The following PANK3 variants were observed in gnomAD, a reference collection of about 807,000 sequenced individuals.
PANK3 encodes the protein hPanK3.
Under a neutral mutation model 39.4 loss-of-function variants are expected in PANK3, and 20 were observed. That is an observed-to-expected ratio of 0.51 (90% CI 0.36 to 0.74). The LOEUF (loss-of-function observed/expected upper bound fraction) is 0.74, where lower values mean the gene tolerates loss of function less well. Among genes scored for constraint, PANK3 ranks in the 30% least tolerant of loss-of-function variants. The probability of loss-of-function intolerance (pLI) is 0.00; values close to 1 mark genes in which losing one functional copy is unlikely to be tolerated. For missense variants in PANK3, 265 were observed against 437.0 expected (o/e 0.61, Z 3.51); for synonymous variants, 140 against 157.3 (o/e 0.89, Z 0.82).
At chr5:168,579,059 G>A (rs1008766805) in intron 1 of PANK3, among the ~76,000 whole-genome samples, 197 bp downstream of exon 1, 2 of 152,054 alleles carry the variant, frequency 1.3e-5, no homozygotes, top group African/African-American at 4.8e-5. Context: ...GGGGCGGCAG[G>A]CATTCACCAT....
Position 168,579,331 on chromosome 5 carries a change from G to A in PANK3, c.-48C>T. The A allele has an allele frequency of 6.4e-6, 9 of 1,416,386 alleles. No homozygotes were observed. The highest frequency in any genetic ancestry group is 8.4e-6 in the Non-Finnish European group (9 of 1,077,502). The allele number at this position is 1,416,386 out of a possible 1,614,324, so 87.7% of individuals were successfully genotyped here. A position where few individuals can be genotyped will look rare whatever the true frequency, so the allele number is the denominator to read the frequency against. Reference sequence around the variant, plus strand: ...GACGGCCTCCGATCCGGGGCACTGAGAGCAGAGGCGGCGACTCCGGAGGTG... The same window carrying A: ...GACGGCCTCCGATCCGGGGCACTGAAAGCAGAGGCGGCGACTCCGGAGGTG... On this transcript the variant is annotated 5_prime_UTR_variant, in exon 1 of 7. Transcript: ENST00000239231.
At chr5:168,558,903 G>A (rs1000036735) in intron 6 of PANK3, 129 bp downstream of exon 6, 7 of 775,746 alleles carry the variant, frequency 9.0e-6, no homozygotes, top group Non-Finnish European at 1.3e-5. Context: ...GAGGATTGAT[G>A]AGCCCAGGAG....
intron 5 of PANK3, chr5:168,560,980 C>G (rs1039619899): frequency 2.0e-6 from 1 of 499,798 alleles, no homozygotes; most frequent in Non-Finnish European, 4.2e-6. Context: ...AGTAAGAAAA[C>G]TTCCAAGAAT....
intron 5 of PANK3, among the ~76,000 whole-genome samples, chr5:168,559,575 C>G (rs2113107378): frequency 6.6e-6 from 1 of 152,050 alleles, no homozygotes; most frequent in African/African-American, 2.4e-5. Context: ...AAAATAAAGT[C>G]TACTTTTAAA....
At chr5:168,567,047 G>A (rs534005844) in intron 2 of PANK3, among the ~76,000 whole-genome samples, 3 of 152,156 alleles carry the variant, frequency 2.0e-5, no homozygotes, top group Non-Finnish European at 2.9e-5. Context: ...CCCAACCCAC[G>A]TAGTTTTAAA....
chr5:168,576,618 T>C (rs539429929), intron 1 of PANK3, among the ~76,000 whole-genome samples: 1 of 152,332 alleles, frequency 6.6e-6, no homozygotes. Context: ...AAGATATTGG[T>C]AATGTATTTA....
rs1168843739 is a variant in PANK3 at position 168,566,080 on chromosome 5, T to G, written c.568A>C (p.Ile190Leu). ...DDPYPLLVVN[I>L]GSGVSILAVH... ...GCTAAAATACTGACTCCTGAGCCAA[T>G]GTTCACTACAAGCAGTGGATAGGGA... Residue 190 changes from isoleucine (I) to leucine (L), a missense_variant, in exon 3 of 7, where the codon ATT becomes CTT. Coordinates refer to ENST00000239231, the MANE Select transcript of PANK3 (RefSeq NM_024594.4). 1.9e-6 allele frequency: 3 copies of G among 1,613,728 alleles called. No individual in the cohort carries two copies. The African/African-American group carries it at 4.0e-5, about 22-fold the overall frequency.
At chr5:168,577,082 T>A (rs1759743497) in intron 1 of PANK3, among the ~76,000 whole-genome samples, 1 of 151,352 alleles carries the variant, frequency 6.6e-6, no homozygotes, top group Non-Finnish European at 1.5e-5. Context: ...GGTTTCACCA[T>A]GTTGGTCAGG....
intron 3 of PANK3, 65 bp downstream of exon 3, chr5:168,565,948 C>T (rs1202797855): frequency 6.9e-7 from 1 of 1,447,280 alleles, no homozygotes; most frequent in Non-Finnish European, 9.3e-7. Flanking sequence ...CATTATTATA[C>T]TGATTTCATA....
intron 6 of PANK3, among the ~76,000 whole-genome samples, chr5:168,558,457 C>T (rs1759389136): frequency 1.3e-5 from 2 of 152,056 alleles, no homozygotes. Context: ...AGCCACCGCA[C>T]CCGGCCAAGA....
chr5:168,569,036 T>G lies in PANK3; in HGVS notation c.29-38A>C. The G allele has an allele frequency of 5.8e-6, 2 of 346,642 alleles. 1 individual carries two copies. The highest frequency in any genetic ancestry group is 8.9e-6 in the Non-Finnish European group (2 of 225,540). 21.5% of individuals were successfully genotyped at this position (346,642 alleles called of 1,614,324 possible). ...AAAAAAAAAAAAAAAAAAAAATATATATATATATATATATCCATTTTAGAA... is the reference window on the plus strand; with the variant it reads ...AAAAAAAAAAAAAAAAAAAAATATAGATATATATATATATCCATTTTAGAA... On this transcript the variant is annotated intron_variant, in intron 1 of 6. Transcript: ENST00000239231.
chr5:168,575,667 T>C (rs1276920003), intron 1 of PANK3, among the ~76,000 whole-genome samples: 2 of 152,126 alleles, frequency 1.3e-5, no homozygotes, highest in African/African-American at 4.8e-5. Flanking sequence ...GCACCTGTAG[T>C]TCTAGCTACT....
At chr5:168,573,194 A>G (rs1038543907) in intron 1 of PANK3, among the ~76,000 whole-genome samples, 1 of 152,064 alleles carries the variant, frequency 6.6e-6, no homozygotes, top group East Asian at 1.9e-4. Context: ...TTTCTAGCAT[A>G]TATCAGTTAT....
chr5:168,555,065 T>C lies in PANK3; in HGVS notation c.*2506A>G, dbSNP rs868726177. 6.6e-6 allele frequency: 1 copy of C among 152,378 alleles called. No individual in the cohort carries two copies. The highest frequency in any genetic ancestry group is 2.4e-5 in the African/African-American group (1 of 41,588). 9.4% of individuals were successfully genotyped at this position (152,378 alleles called of 1,614,324 possible). Reference sequence around the variant, plus strand: ...TCATAATGAAGGCTGCCAAAGATTATAATTTTTTATTAAGATCTCGAGTAA... The same window carrying C: ...TCATAATGAAGGCTGCCAAAGATTACAATTTTTTATTAAGATCTCGAGTAA... On this transcript the variant is annotated 3_prime_UTR_variant, in exon 7 of 7. Transcript: ENST00000239231.
intron 1 of PANK3, among the ~76,000 whole-genome samples, chr5:168,572,147 T>G (rs998937357): frequency 2.1e-5 from 3 of 141,012 alleles, no homozygotes; most frequent in Non-Finnish European, 4.5e-5. Context: ...GGAGTCTTGC[T>G]CTGTGGCCCA....
At chr5:168,575,799 TAAAA>T (rs967120298) in intron 1 of PANK3, among the ~76,000 whole-genome samples, 1 of 149,444 alleles carries the variant, frequency 6.7e-6, no homozygotes, top group Non-Finnish European at 1.5e-5. Flanking sequence ...AGAAAAAAAA[TAAAA>T]AGAAATAGGG....
chr5:168,559,023 C>T lies in PANK3; in HGVS notation c.1062+9G>A. ...ATTAAAATTCACAAAAAACATTTTCCTACCATACCTCATGTTCTAGAAACA... is the reference window on the plus strand; with the variant it reads ...ATTAAAATTCACAAAAAACATTTTCTTACCATACCTCATGTTCTAGAAACA... On this transcript the variant is annotated intron_variant, in intron 6 of 6. Coordinates refer to ENST00000239231, the MANE Select transcript of PANK3 (RefSeq NM_024594.4). The T allele has an allele frequency of 6.3e-6, 10 of 1,596,292 alleles. No homozygotes were observed. Among genetic ancestry groups the T allele is most frequent in the Non-Finnish European group, 8.5e-6 (10 of 1,173,314 alleles).
chr5:168,571,656 AT>A (rs1759632701), intron 1 of PANK3, among the ~76,000 whole-genome samples: 1 of 152,206 alleles, frequency 6.6e-6, no homozygotes, highest in South Asian at 2.1e-4. Flanking sequence ...CTACTTTCTC[AT>A]TTTATTTGAT....
chr5:168,571,343 C>A (rs558217272), intron 1 of PANK3, among the ~76,000 whole-genome samples: 1 of 152,298 alleles, frequency 6.6e-6, no homozygotes, highest in African/African-American at 2.4e-5. Context: ...ACTGAGTGCT[C>A]ACTACCTGTC....
Sources: gnomAD v4.1 joint callset for allele counts (sites outside exome capture counted in the v4.1 genomes callset) on GRCh38, gnomAD v4.1.1 for gene constraint, MANE v1.5 for transcripts, NCBI Gene and HGNC (gene_info 2026-07-23, HGNC 2026-07-21) for gene names.